The following KLHL41 variants were observed in gnomAD, a reference collection of about 807,000 sequenced individuals.
KLHL41 encodes kelch like family member 41.
A neutral mutation model predicts 49.2 loss-of-function variants in KLHL41; 31 were observed. That is an observed-to-expected ratio of 0.63 (90% CI 0.47 to 0.85). KLHL41 has a LOEUF of 0.85. Among genes scored for constraint, KLHL41 ranks in the 40% least tolerant of loss-of-function variants. The pLI, the probability that KLHL41 is intolerant of heterozygous loss-of-function variation, is 0.00. For synonymous variants in KLHL41, 218 were observed against 258.5 expected (o/e 0.84, Z 1.50); for missense variants, 663 against 726.7 (o/e 0.91, Z 1.01).
In KLHL41 at chr2:169,510,055, T is replaced by G. The variant is rs1349722796; in HGVS notation, c.277T>G (p.Ser93Ala). 1 of 1,614,230 alleles carries G rather than the reference T, an allele frequency of 6.2e-7. No individual in the cohort carries two copies. Among genetic ancestry groups the G allele is most frequent in the South Asian group, 1.1e-5 (1 of 91,080 alleles). Residue 93 changes from serine (S) to alanine (A), a missense_variant, in exon 1 of 6, where the codon TCT (serine) becomes GCT (alanine). Ser to Ala is a moderately conservative substitution (Grantham distance 99). Transcript: ENST00000284669. The surrounding 1 kb of genome is among the most constrained non-coding windows in gnomAD (Gnocchi z 4.2). ...ILDLIIKYLY[S>A]ASIDLNDGNV... ...TGATTTAATCATCAAATACCTGTAC[T>G]CTGCCAGTATTGATCTCAATGACGG...
At chr2:169,520,127 T>C (rs1392014104) in intron 4 of KLHL41, among the ~76,000 whole-genome samples, 4 of 150,712 alleles carry the variant, frequency 2.7e-5, no homozygotes, top group Admixed American at 6.6e-5. Flanking sequence ...GCTGGGACTA[T>C]AGGGACATAC....
Position 169,514,640 on chromosome 2 carries a change from C to T in KLHL41, c.1177C>T (p.Leu393=). 1 of 1,613,644 alleles carries T rather than the reference C, an allele frequency of 6.2e-7. No individual in the cohort carries two copies. ...PLPSARCLFG[L]GEVDDKIYVV... Reference sequence around the variant, plus strand: ...GCCTTCAGCCAGGTGTCTCTTCGGTCTGGGAGAGGTGGATGATAAAATCTA... The same window carrying T: ...GCCTTCAGCCAGGTGTCTCTTCGGTTTGGGAGAGGTGGATGATAAAATCTA... Residue 393 remains leucine, a synonymous_variant, in exon 2 of 6, where the codon CTG becomes TTG. Coordinates refer to ENST00000284669, the MANE Select transcript of KLHL41 (RefSeq NM_006063.3).
intron 1 of KLHL41, among the ~76,000 whole-genome samples, chr2:169,513,246 T>G (rs1046470279): frequency 3.9e-5 from 6 of 152,210 alleles, no homozygotes; most frequent in Non-Finnish European, 5.9e-5. Flanking sequence ...TCTGTGTATT[T>G]GGGAAAATTA....
chr2:169,513,032 G>A (rs957761287), intron 1 of KLHL41, among the ~76,000 whole-genome samples: 2 of 152,130 alleles, frequency 1.3e-5, no homozygotes, highest in African/African-American at 4.8e-5. Context: ...TAGCTTGATA[G>A]TTCCTCTATA....
chr2:169,521,653 A>G (rs747097409), intron 5 of KLHL41, among the ~76,000 whole-genome samples: 2 of 152,224 alleles, frequency 1.3e-5, no homozygotes, highest in African/African-American at 4.8e-5. Flanking sequence ...TCAATCTCCC[A>G]AAGTGCTAGG....
rs1684015436 is a variant in KLHL41, at chr2:169,510,536, A to G, written c.758A>G (p.Lys253Arg). ...KSNPDLQKKI[K>R]VLKDAFAGKL... ...AACCCAGACCTCCAGAAAAAAATCA[A>G]AGTTCTAAAAGATGCTTTCGCAGGC... The change falls in exon 1 of 6, where the codon AAA (lysine) becomes AGA (arginine). Residue 253 changes from lysine to arginine, a missense_variant. Lys to Arg is a conservative substitution (Grantham distance 26, BLOSUM62 2). Coordinates refer to ENST00000284669, the MANE Select transcript of KLHL41 (RefSeq NM_006063.3). This position sits in a 1 kb window ranked among gnomAD's most constrained non-coding sequence, Gnocchi z 4.2. 3 of 1,613,486 alleles carry G rather than the reference A, an allele frequency of 1.9e-6. No individual in the cohort carries two copies. The highest frequency in any genetic ancestry group is 2.5e-6 in the Non-Finnish European group (3 of 1,179,924).
chr2:169,517,544 C>T (rs1042877581), intron 3 of KLHL41, among the ~76,000 whole-genome samples: 22 of 152,204 alleles, frequency 1.4e-4, no homozygotes, highest in South Asian at 1.2e-3. Context: ...GCGGAGGTTG[C>T]GGTGAGCCAA....
chr2:169,519,965 T>C (rs1684172821), intron 4 of KLHL41, among the ~76,000 whole-genome samples: 1 of 152,084 alleles, frequency 6.6e-6, no homozygotes, highest in South Asian at 2.1e-4. Context: ...GTAGCAAACT[T>C]AGTCATTTAC....
chr2:169,512,890 T>C (rs1684049682), intron 1 of KLHL41, among the ~76,000 whole-genome samples: 1 of 152,012 alleles, frequency 6.6e-6, no homozygotes, highest in African/African-American at 2.4e-5. Context: ...TTTACCTTGG[T>C]AAGGGAGGAT....
chr2:169,515,767 A>C (rs1281760087), intron 3 of KLHL41, among the ~76,000 whole-genome samples: 1 of 152,236 alleles, frequency 6.6e-6, no homozygotes, highest in Admixed American at 6.5e-5. Context: ...GAAGTAAAAA[A>C]GACAAAATAA....
rs982957571 is a variant in KLHL41 at position 169,511,702 on chromosome 2, G to A, written c.1110+814G>A. On this transcript the variant is annotated intron_variant, in intron 1 of 5. Transcript: ENST00000284669. ...AGGAAAAACTGTCTACACAAAAGTCGCTAATTTGAATTAATTATAGTTAGA... is the reference window on the plus strand; with the variant it reads ...AGGAAAAACTGTCTACACAAAAGTCACTAATTTGAATTAATTATAGTTAGA... Among the ~76,000 whole-genome samples the A allele has an allele frequency of 7.9e-5, 12 of 152,046 alleles. No homozygotes were observed. The East Asian group carries it at 9.6e-4, about 12-fold the overall frequency.
chr2:169,511,635 A>C (rs1169121662), intron 1 of KLHL41, among the ~76,000 whole-genome samples: 2 of 152,222 alleles, frequency 1.3e-5, no homozygotes, highest in African/African-American at 4.8e-5. Flanking sequence ...TGAAAATGAA[A>C]AAAACTTGTA....
chr2:169,512,315 G>A lies in KLHL41; in HGVS notation c.1110+1427G>A, dbSNP rs530884732. 2.6e-5 allele frequency among the ~76,000 whole-genome samples: 4 copies of A among 152,098 alleles called. No individual in the cohort carries two copies. The South Asian group carries it at 6.2e-4, about 24-fold the overall frequency. On this transcript the variant is annotated intron_variant, in intron 1 of 5. Transcript: ENST00000284669. ...CAAAAGTGGCAAAGTCAATGAAAAA[G>A]GCTATAAATACATCCAGGAAGTAAG... is the stretch of plus-strand genomic sequence containing the variant.
chr2:169,512,011 G>A (rs1393212578), intron 1 of KLHL41, among the ~76,000 whole-genome samples: 1 of 152,136 alleles, frequency 6.6e-6, no homozygotes, highest in African/African-American at 2.4e-5. Flanking sequence ...GCTAATCATG[G>A]CTGGGGCTTA....
At position 169,521,368 on chromosome 2, in the gene KLHL41, G is replaced by A. The variant is rs575377928; in HGVS notation, c.1709+361G>A. On this transcript the variant is annotated intron_variant, in intron 5 of 5. Coordinates refer to ENST00000284669, the MANE Select transcript of KLHL41 (RefSeq NM_006063.3). ...GTAGTTTATTTCCTAACAAAACAGA[G>A]TTCTAAAAAAAATTTTATGTTTTTT... Among the ~76,000 whole-genome samples the A allele has an allele frequency of 3.3e-5, 5 of 152,134 alleles. No homozygotes were observed. In the South Asian group the frequency reaches 1.0e-3, roughly 32 times the overall value.
chr2:169,514,929 G>A lies in KLHL41; in HGVS notation c.1344G>A (p.Met448Ile). ...YGHNVISHKGMIYCLGGKTDD... is the reference protein window; with the variant it reads ...YGHNVISHKGIIYCLGGKTDD... ...ATAATGTGATTTCACATAAAGGGAT[G>A]ATATATTGTCTAGGAGGAAAGACAG... Residue 448 changes from methionine to isoleucine, a missense_variant, in exon 3 of 6, where the codon ATG becomes ATA. Met to Ile is a conservative substitution (Grantham distance 10). Transcript: ENST00000284669. The A allele has an allele frequency of 6.2e-7, 1 of 1,609,734 alleles. No homozygotes were observed.
At chr2:169,523,338 A>C (rs768668267) in intron 5 of KLHL41, among the ~76,000 whole-genome samples, 9 of 152,154 alleles carry the variant, frequency 5.9e-5, no homozygotes, top group Non-Finnish European at 1.3e-4. Flanking sequence ...TAACACCTCT[A>C]TCCCACTTAT....
chr2:169,514,731 T>G lies in KLHL41; in HGVS notation c.1268T>G (p.Val423Gly), dbSNP rs1225657950. ...GATTCAGTATTATGCTATGATCCTG[T>G]GTAAGTTGGCATGATATTCCTGTTC... ...SLDSVLCYDPVAAKWNEVKKL... is the reference protein window; with the variant it reads ...SLDSVLCYDPGAAKWNEVKKL... The change falls in exon 2 of 6, where the codon GTG becomes GGG. Residue 423 changes from valine (V) to glycine (G), a missense_variant and splice_region_variant. Coordinates refer to ENST00000284669, the MANE Select transcript of KLHL41 (RefSeq NM_006063.3). 3.1e-6 allele frequency: 5 copies of G among 1,613,640 alleles called. No homozygotes were observed. The African/African-American group carries it at 4.0e-5, about 13-fold the overall frequency.
At chr2:169,511,102 C>T (rs554858097) in intron 1 of KLHL41, among the ~76,000 whole-genome samples, 3 of 152,168 alleles carry the variant, frequency 2.0e-5, no homozygotes, top group Non-Finnish European at 4.4e-5. Context: ...TAATGAGGTT[C>T]TAATTCATGT....
Sources: gnomAD v4.1 joint callset for allele counts (sites outside exome capture counted in the v4.1 genomes callset) on GRCh38, gnomAD v4.1.1 for gene constraint, Gnocchi (gnomAD v3.1) non-coding constraint, MANE v1.5 for transcripts, NCBI Gene and HGNC (gene_info 2026-07-23, HGNC 2026-07-21) for gene names.